The following ZNF691 variants were observed in gnomAD, a reference collection of about 807,000 sequenced individuals.
ZNF691 encodes the protein zinc finger protein 691.
Under a neutral mutation model 24.1 loss-of-function variants are expected in ZNF691, and 11 were observed. The observed-to-expected ratio is 0.46, with a 90% CI of 0.29 to 0.75. ZNF691 has a LOEUF of 0.75. ZNF691 is among the 30% of genes least tolerant of loss of function. The pLI, the probability that ZNF691 is intolerant of heterozygous loss-of-function variation, is 0.11. For synonymous variants in ZNF691, 149 were observed against 153.9 expected (o/e 0.97, Z 0.23); for missense variants, 356 against 409.0 (o/e 0.87, Z 1.12).
At position 42,851,245 on chromosome 1, in the gene ZNF691, C is replaced by T. The variant is rs753973044; in HGVS notation, c.380C>T (p.Thr127Ile). 6.2e-7 allele frequency: 1 copy of T among 1,613,554 alleles called. No homozygotes were observed. Among genetic ancestry groups the T allele is most frequent in the African/African-American group, 1.3e-5 (1 of 74,680 alleles). Reference sequence around the variant, plus strand: ...CAGTGTGGCAAAACCTTCAATAATACCTCCAACCTGAGAACACACCAGCGG... The same window carrying T: ...CAGTGTGGCAAAACCTTCAATAATATCTCCAACCTGAGAACACACCAGCGG... Reference protein sequence around the residue: ...CAQCGKTFNNTSNLRTHQRIH... With the variant: ...CAQCGKTFNNISNLRTHQRIH... The change falls in exon 4 of 4, where the codon ACC (threonine) becomes ATC (isoleucine). Residue 127 changes from threonine to isoleucine, a missense_variant. Thr to Ile is a moderately conservative substitution (Grantham distance 89). Coordinates refer to ENST00000651192, the MANE Select transcript of ZNF691 (RefSeq NM_001242739.2). This position sits in a 1 kb window ranked among gnomAD's most constrained non-coding sequence, Gnocchi z 4.7.
chr1:42,849,632 G>T lies in ZNF691; in HGVS notation c.-27G>T. 1 of 1,496,562 alleles carries T rather than the reference G, an allele frequency of 6.7e-7. No individual in the cohort carries two copies. The highest frequency in any genetic ancestry group is 9.1e-7 in the Non-Finnish European group (1 of 1,097,522). 92.7% of individuals were successfully genotyped at this position (1,496,562 alleles called of 1,614,324 possible). ...TATCATCAGTGTCCTATGATAGTTT[G>T]TGCTTCCCTCCCTCATCCCTTTGTT... is the stretch of plus-strand genomic sequence containing the variant. On this transcript the variant is annotated 5_prime_UTR_variant, in exon 3 of 4. Transcript: ENST00000651192.
chr1:42,849,118 A>C (rs910178750), intron 1 of ZNF691, among the ~76,000 whole-genome samples, 173 bp from the exon 2 acceptor site: 5 of 152,170 alleles, frequency 3.3e-5, no homozygotes, highest in Non-Finnish European at 7.3e-5. Flanking sequence ...TATTTACTAA[A>C]TATTATCTGG....
chr1:42,846,642 G>A lies in ZNF691; in HGVS notation c.-233G>A, dbSNP rs917033125. The A allele has an allele frequency of 9.8e-5, 15 of 152,432 alleles. No homozygotes were observed. The highest frequency in any genetic ancestry group is 2.9e-5 in the Non-Finnish European group (2 of 68,224). The allele number at this position is 152,432 out of a possible 1,614,324, so 9.4% of individuals were successfully genotyped here. ...TACAGAGGCGGCGCTGTCCCTGATCGAGCGGCGGGAGCGAGGTGGGTCCGG... is the reference window on the plus strand; with the variant it reads ...TACAGAGGCGGCGCTGTCCCTGATCAAGCGGCGGGAGCGAGGTGGGTCCGG... On this transcript the variant is annotated 5_prime_UTR_variant, in exon 1 of 4. Coordinates refer to ENST00000651192, the MANE Select transcript of ZNF691 (RefSeq NM_001242739.2).
At chr1:42,850,651 T>C (rs1254624847) in intron 3 of ZNF691, 1 of 1,549,438 alleles carries the variant, frequency 6.5e-7, no homozygotes, top group Non-Finnish European at 8.7e-7. Flanking sequence ...TGGATTGTCA[T>C]TGCTTAGTGG....
At position 42,848,697 on chromosome 1, in the gene ZNF691, C is replaced by T. The variant is rs150723047; in HGVS notation, c.-217-594C>T. 7.6e-4 allele frequency among the ~76,000 whole-genome samples: 115 copies of T among 151,944 alleles called. 1 individual carries two copies. Among genetic ancestry groups the T allele is most frequent in the African/African-American group, 2.8e-3 (114 of 41,438 alleles). On this transcript the variant is annotated intron_variant, in intron 1 of 3. Transcript: ENST00000651192. ...AAAAAAAACAAAAAAACAACAAAGA[C>T]ACCAGCTCTCATGGAACTTATGTTT...
At chr1:42,849,801 G>C in intron 3 of ZNF691, 59 bp downstream of exon 3, 2 of 1,381,174 alleles carry the variant, frequency 1.4e-6, no homozygotes, top group Non-Finnish European at 2.0e-6. Flanking sequence ...AGGAGTCTGT[G>C]CAGCTTAGCA....
intron 1 of ZNF691, among the ~76,000 whole-genome samples, chr1:42,846,976 C>T (rs1655256349): frequency 6.6e-6 from 1 of 152,152 alleles, no homozygotes; most frequent in Admixed American, 6.5e-5. Flanking sequence ...AGCCCGCCGG[C>T]AATCTCTGAA....
chr1:42,850,700 C>T, intron 3 of ZNF691: 1 of 1,550,568 alleles, frequency 6.4e-7, no homozygotes, highest in Non-Finnish European at 8.7e-7. Context: ...GCACAAATAT[C>T]ATCTGGTGGT....
chr1:42,850,784 A>G (rs1655364143), intron 3 of ZNF691, 166 bp from the exon 4 acceptor site: 1 of 1,549,336 alleles, frequency 6.5e-7, no homozygotes, highest in Non-Finnish European at 8.7e-7. Context: ...GTCACTTAAA[A>G]GGTAGCAAGT....
chr1:42,847,852 A>G (rs764933517), intron 1 of ZNF691, among the ~76,000 whole-genome samples: 16 of 152,256 alleles, frequency 1.1e-4, no homozygotes, highest in Non-Finnish European at 2.1e-4. Context: ...CATCTCTAAA[A>G]TAAGGATGAT....
Position 42,851,405 on chromosome 1 carries a change from T to G in ZNF691, c.540T>G (p.Phe180Leu). ...AATGCCCCAAGTGCCAGGAGAGCTT[T>G]CGGCGGCGCTCAGACCTCACCACGC... ...HYKCPKCQES[F>L]RRRSDLTTHQ... Residue 180 changes from phenylalanine to leucine, a missense_variant, in exon 4 of 4, where the codon TTT becomes TTG. Transcript: ENST00000651192. This position sits in a 1 kb window ranked among gnomAD's most constrained non-coding sequence, Gnocchi z 4.7. The G allele has an allele frequency of 6.2e-7, 1 of 1,614,068 alleles. No homozygotes were observed.
rs1287148767 is a variant in ZNF691, at chr1:42,849,315, G to C, written c.-193G>C. ...GGGCCTGGACGTAGTGTCTTCAACA[G>C]TTGTAACAGCAGCTGCCATTTGCTG... is the stretch of plus-strand genomic sequence containing the variant. On this transcript the variant is annotated 5_prime_UTR_variant, in exon 2 of 4. Transcript: ENST00000651192. The C allele has an allele frequency of 2.0e-6, 1 of 493,770 alleles. No individual in the cohort carries two copies. The highest frequency in any genetic ancestry group is 1.9e-5 in the African/African-American group (1 of 51,610). 30.6% of individuals were successfully genotyped at this position (493,770 alleles called of 1,614,324 possible). A position where few individuals can be genotyped will look rare whatever the true frequency, so the allele number is the denominator to read the frequency against.
In ZNF691 at chr1:42,851,295, A is replaced by G. The variant is rs1457444438; in HGVS notation, c.430A>G (p.Lys144Glu). 1.2e-6 allele frequency: 2 copies of G among 1,612,948 alleles called. No homozygotes were observed. Among genetic ancestry groups the G allele is most frequent in the African/African-American group, 1.3e-5 (1 of 74,616 alleles). The change falls in exon 4 of 4, where the codon AAG becomes GAG. Residue 144 changes from lysine (K) to glutamate (E), a missense_variant. Lys to Glu is a moderately conservative substitution (Grantham distance 56). Transcript: ENST00000651192. The surrounding 1 kb of genome is among the most constrained non-coding windows in gnomAD (Gnocchi z 4.7). ...QRIHTGEKPY[K>E]CSECGKSFSR... ...GATCCACACTGGTGAGAAGCCTTAC[A>G]AGTGTTCTGAATGTGGCAAGAGCTT... is the stretch of plus-strand genomic sequence containing the variant.
chr1:42,850,920 A>G (rs774081787), intron 3 of ZNF691, 30 bp from the exon 4 acceptor site: 1 of 1,538,382 alleles, frequency 6.5e-7, no homozygotes, highest in Non-Finnish European at 8.7e-7. Context: ...CCAAAGAATA[A>G]AGGTGTTGGC....
chr1:42,850,316 C>A, intron 3 of ZNF691: 1 of 731,492 alleles, frequency 1.4e-6, no homozygotes, highest in Non-Finnish European at 1.7e-6. Flanking sequence ...TCAGAAGAAA[C>A]ACAGCCCAGG....
At position 42,851,669 on chromosome 1, in the gene ZNF691, C is replaced by T; in HGVS notation, c.804C>T (p.Ser268=). The T allele has an allele frequency of 6.2e-7, 1 of 1,614,194 alleles. No individual in the cohort carries two copies. The highest frequency in any genetic ancestry group is 1.1e-5 in the South Asian group (1 of 91,084). The part of the protein sequence containing the change: ...TECGRTFSDI[S]NFGAHQRTHR... ...GTGGGCGGACCTTCAGCGATATCTC[C>T]AACTTTGGAGCACACCAGCGGACCC... Residue 268 remains serine, a synonymous_variant, in exon 4 of 4, where the codon TCC becomes TCT. Transcript: ENST00000651192. This position sits in a 1 kb window ranked among gnomAD's most constrained non-coding sequence, Gnocchi z 4.7.
rs1280460830 is a variant in ZNF691 at position 42,851,642 on chromosome 1, G to A, written c.777G>A (p.Glu259=). The A allele has an allele frequency of 2.5e-6, 4 of 1,614,078 alleles. No individual in the cohort carries two copies. The highest frequency in any genetic ancestry group is 2.7e-5 in the African/African-American group (2 of 74,918). The part of the protein sequence containing the change: ...HTGERPYECT[E]CGRTFSDISN... ...GTGAGAGACCTTATGAGTGCACTGA[G>A]TGTGGGCGGACCTTCAGCGATATCT... The change falls in exon 4 of 4, where the codon GAG becomes GAA. Residue 259 remains glutamate, a synonymous_variant. Transcript: ENST00000651192. The surrounding 1 kb of genome is among the most constrained non-coding windows in gnomAD (Gnocchi z 4.7).
intron 1 of ZNF691, among the ~76,000 whole-genome samples, chr1:42,848,384 C>T (rs1655295724): frequency 6.6e-6 from 1 of 152,064 alleles, no homozygotes; most frequent in Admixed American, 6.5e-5. Context: ...TAATATGACC[C>T]AGTCCCTTTC....
At chr1:42,847,152 C>G (rs1018272062) in intron 1 of ZNF691, among the ~76,000 whole-genome samples, 1 of 152,180 alleles carries the variant, frequency 6.6e-6, no homozygotes, top group African/African-American at 2.4e-5. Flanking sequence ...GTATCTCTGA[C>G]CCGTTATCTA....
Sources: gnomAD v4.1 joint callset for allele counts (sites outside exome capture counted in the v4.1 genomes callset) on GRCh38, gnomAD v4.1.1 for gene constraint, Gnocchi (gnomAD v3.1) non-coding constraint, MANE v1.5 for transcripts, NCBI Gene and HGNC (gene_info 2026-07-23, HGNC 2026-07-21) for gene names.